MAF: variants seen among roughly 807,000 people sequenced by gnomAD.
MAF encodes MAF bZIP transcription factor, also known as transcription factor Maf.
A neutral mutation model predicts 22.0 loss-of-function variants in MAF; 10 were observed. That is an observed-to-expected ratio of 0.45 (90% CI 0.28 to 0.77). The LOEUF (loss-of-function observed/expected upper bound fraction) is 0.77, where lower values mean the gene tolerates loss of function less well. MAF is among the 30% of genes least tolerant of loss of function. The probability of loss-of-function intolerance (pLI) is 0.12; values close to 1 mark genes in which losing one functional copy is unlikely to be tolerated. For synonymous variants in MAF, 337 were observed against 255.8 expected (o/e 1.32, Z -3.03); for missense variants, 544 against 548.4 (o/e 0.99, Z 0.08).
chr16:79,242,439 G>T, the MAF span, among the ~76,000 whole-genome samples: 2 of 150,054 alleles, frequency 1.3e-5, no homozygotes, highest in Admixed American at 1.3e-4. Context: ...AAGCAACAAA[G>T]ATCAAAAGAG....
chr16:79,529,720 G>T, the MAF span, among the ~76,000 whole-genome samples: 6 of 152,150 alleles, frequency 3.9e-5, no homozygotes, highest in Non-Finnish European at 7.4e-5. Context: ...CAGTACTTTG[G>T]GAGGCCGAGG....
chr16:79,394,879 G>A, the MAF span, among the ~76,000 whole-genome samples: 237 of 152,248 alleles, frequency 1.6e-3, 3 homozygotes, highest in African/African-American at 5.6e-3. Context: ...AAGTGTACCA[G>A]AACATCTGCT....
chr16:79,212,776 C>A, the MAF span: 2 of 152,082 alleles, frequency 1.3e-5, no homozygotes, highest in East Asian at 1.9e-4. Context: ...TAATAAAGCG[C>A]TTCTCGTAGA....
At chr16:79,258,805 C>T in the MAF span, among the ~76,000 whole-genome samples, 3 of 152,156 alleles carry the variant, frequency 2.0e-5, no homozygotes, top group Non-Finnish European at 4.4e-5. Context: ...GCTAGTGAAG[C>T]CCCCAGCCCA....
chr16:79,576,280 C>G, the MAF span, among the ~76,000 whole-genome samples: 4 of 138,196 alleles, frequency 2.9e-5, no homozygotes, highest in African/African-American at 5.4e-5. Context: ...TTTAGGCAAC[C>G]ATTTTTCAAA....
chr16:79,282,646 T>G, the MAF span, among the ~76,000 whole-genome samples: 3 of 152,290 alleles, frequency 2.0e-5, no homozygotes, highest in East Asian at 3.9e-4. Context: ...ATTAGGAAGG[T>G]GCAAATTCTC....
chr16:79,447,392 G>T, the MAF span, among the ~76,000 whole-genome samples: 4 of 151,984 alleles, frequency 2.6e-5, no homozygotes, highest in Non-Finnish European at 4.4e-5. Context: ...AATGCACCTG[G>T]TCATTCAAGA....
chr16:79,409,567 C>T, the MAF span, among the ~76,000 whole-genome samples: 38 of 152,308 alleles, frequency 2.5e-4, no homozygotes, highest in African/African-American at 8.7e-4. Context: ...AGGCCCGAAG[C>T]CCACCCAGGA....
the MAF span, among the ~76,000 whole-genome samples, chr16:79,297,653 C>A: frequency 6.6e-6 from 1 of 152,176 alleles, no homozygotes; most frequent in Non-Finnish European, 1.5e-5. Flanking sequence ...GTGCCTGGCC[C>A]ATAGTGAGCA....
the MAF span, among the ~76,000 whole-genome samples, chr16:79,237,640 G>A: frequency 6.6e-6 from 1 of 151,678 alleles, no homozygotes; most frequent in Admixed American, 6.6e-5. Context: ...AGCGTGCTGT[G>A]CTTCTTAAAC....
the MAF span, among the ~76,000 whole-genome samples, chr16:79,531,021 C>T: frequency 5.9e-5 from 9 of 152,156 alleles, no homozygotes; most frequent in East Asian, 1.9e-4. Flanking sequence ...TGGGTAATGT[C>T]GCCATTCCCC....
chr16:79,401,061 TGAG>T, the MAF span, among the ~76,000 whole-genome samples: 1 of 152,122 alleles, frequency 6.6e-6, no homozygotes, highest in Non-Finnish European at 1.5e-5. Flanking sequence ...CAGGAAGTGG[TGAG>T]GTCGGCTCCC....
chr16:79,453,252 C>G, the MAF span, among the ~76,000 whole-genome samples: 13 of 152,240 alleles, frequency 8.5e-5, no homozygotes, highest in African/African-American at 2.9e-4. Context: ...CCTTAGGGAC[C>G]AATCCCATCT....
At chr16:79,555,026 T>G in the MAF span, among the ~76,000 whole-genome samples, 1 of 152,100 alleles carries the variant, frequency 6.6e-6, no homozygotes, top group Non-Finnish European at 1.5e-5. Flanking sequence ...AACTTTTGAT[T>G]AAGAGGAGAT....
At chr16:79,282,369 A>G in the MAF span, among the ~76,000 whole-genome samples, 99 of 152,280 alleles carry the variant, frequency 6.5e-4, no homozygotes, top group Non-Finnish European at 1.1e-3. Context: ...TAACTTTGTG[A>G]TCATAAAAAC....
the MAF span, among the ~76,000 whole-genome samples, chr16:79,335,443 T>C: frequency 6.6e-6 from 1 of 152,160 alleles, no homozygotes; most frequent in Non-Finnish European, 1.5e-5. Context: ...TTTATATTTG[T>C]ATTCAATTCA....
chr16:79,495,175 G>T, the MAF span, among the ~76,000 whole-genome samples: 500 of 152,276 alleles, frequency 3.3e-3, no homozygotes, highest in African/African-American at 0.011. Context: ...AATAGCAAAA[G>T]ATGTGGCCAA....
the MAF span, among the ~76,000 whole-genome samples, chr16:79,327,331 A>G: frequency 6.6e-6 from 1 of 152,100 alleles, no homozygotes; most frequent in African/African-American, 2.4e-5. Context: ...TCTCACAATG[A>G]CATTTATTAT....
chr16:79,438,002 G>C, the MAF span, among the ~76,000 whole-genome samples: 16 of 152,300 alleles, frequency 1.1e-4, no homozygotes, highest in South Asian at 3.3e-3. Context: ...CGGGAAGCCG[G>C]GGCTACTACT....
Sources: gnomAD v4.1 joint callset for allele counts (sites outside exome capture counted in the v4.1 genomes callset) on GRCh38, gnomAD v4.1.1 for gene constraint, MANE v1.5 for transcripts, NCBI Gene and HGNC (gene_info 2026-07-23, HGNC 2026-07-21) for gene names.